The following CAGE1 variants were observed in gnomAD, a reference collection of about 807,000 sequenced individuals.
CAGE1 encodes cancer antigen 1.
CAGE1 carries 66 observed loss-of-function variants against 94.9 expected under a neutral mutation model. That is an observed-to-expected ratio of 0.70 (90% CI 0.57 to 0.85). The LOEUF is 0.85. Ranked by LOEUF, CAGE1 falls within the 40% of genes least tolerant of loss-of-function variation. The probability of loss-of-function intolerance (pLI) is 0.00; values close to 1 mark genes in which losing one functional copy is unlikely to be tolerated. For missense variants in CAGE1, 865 were observed against 950.4 expected (o/e 0.91, Z 1.18); for synonymous variants, 319 against 321.0 (o/e 0.99, Z 0.07).
At chr6:7,384,294 G>A (rs564725999) in intron 3 of CAGE1, among the ~76,000 whole-genome samples, 77 of 152,110 alleles carry the variant, frequency 5.1e-4, no homozygotes, top group Non-Finnish European at 9.4e-4. Context: ...AGCCAGGATG[G>A]TCTCGATCTC....
At chr6:7,380,368 G>A (rs1760889286) in intron 3 of CAGE1, among the ~76,000 whole-genome samples, 1 of 152,138 alleles carries the variant, frequency 6.6e-6, no homozygotes, top group African/African-American at 2.4e-5. Flanking sequence ...TGGACGCAGT[G>A]GTTTACGCCT....
chr6:7,330,541 G>C (rs960727247), intron 12 of CAGE1, among the ~76,000 whole-genome samples: 3 of 152,140 alleles, frequency 2.0e-5, no homozygotes, highest in Non-Finnish European at 4.4e-5. Context: ...AAACATCTGA[G>C]GCTATTCAGA....
At chr6:7,382,592 T>TG (rs745342800) in intron 3 of CAGE1, among the ~76,000 whole-genome samples, 11 of 149,986 alleles carry the variant, frequency 7.3e-5, no homozygotes, top group Non-Finnish European at 1.3e-4. Flanking sequence ...TGAGCTACCG[T>TG]GCCCAGCCCT....
intron 12 of CAGE1, among the ~76,000 whole-genome samples, chr6:7,330,373 T>C (rs184719222): frequency 1.3e-5 from 2 of 152,156 alleles, no homozygotes; most frequent in African/African-American, 4.8e-5. Context: ...GGTAGCAGAG[T>C]GAGACTTCAT....
intron 9 of CAGE1, among the ~76,000 whole-genome samples, chr6:7,363,113 A>G (rs994105938): frequency 8.5e-5 from 13 of 152,156 alleles, no homozygotes; most frequent in African/African-American, 3.1e-4. Flanking sequence ...TACTAAAAAT[A>G]CAAAAAATTA....
chr6:7,339,159 A>G lies in CAGE1; in HGVS notation c.2370-5069T>C. The G allele has an allele frequency of 1.3e-6, 2 of 1,519,812 alleles. No individual in the cohort carries two copies. The highest frequency in any genetic ancestry group is 1.8e-6 in the Non-Finnish European group (2 of 1,095,530). The allele number at this position is 1,519,812 out of a possible 1,614,324, so 94.1% of individuals were successfully genotyped here. Reference sequence around the variant, plus strand: ...CTGTCCTCAGAGTTTCCCAGACACCACGACCTCACAGCCTTTGGCCCCAGT... The same window carrying G: ...CTGTCCTCAGAGTTTCCCAGACACCGCGACCTCACAGCCTTTGGCCCCAGT... On this transcript the variant is annotated intron_variant, in intron 11 of 13. Transcript: ENST00000502583. The surrounding 1 kb of genome is among the most constrained non-coding windows in gnomAD (Gnocchi z 4.7).
chr6:7,360,402 C>T (rs535458990), intron 9 of CAGE1, among the ~76,000 whole-genome samples: 8 of 152,226 alleles, frequency 5.3e-5, no homozygotes, highest in African/African-American at 1.7e-4. Flanking sequence ...CTATCTAGGT[C>T]GTAATTCAAG....
intron 11 of CAGE1, among the ~76,000 whole-genome samples, chr6:7,352,330 C>G (rs1759812868): frequency 7.5e-6 from 1 of 132,512 alleles, no homozygotes; most frequent in African/African-American, 2.8e-5. Context: ...AAAAAAAAAC[C>G]TAACCAAAGA....
chr6:7,370,291 A>AATTTATTT (rs911033653), intron 5 of CAGE1, among the ~76,000 whole-genome samples: 2 of 152,162 alleles, frequency 1.3e-5, no homozygotes, highest in African/African-American at 4.8e-5. Context: ...CATAAATAAC[A>AATTTATTT]ATTTATTTAT....
At chr6:7,361,289 G>A (rs1488014919) in intron 9 of CAGE1, among the ~76,000 whole-genome samples, 3 of 152,194 alleles carry the variant, frequency 2.0e-5, no homozygotes, top group African/African-American at 4.8e-5. Flanking sequence ...ATTGTTGAGA[G>A]TCTAACACCA....
Position 7,373,510 on chromosome 6 carries a change from G to A in CAGE1, c.1309C>T (p.Gln437Ter), listed in dbSNP as rs1371100685. 2.3e-5 allele frequency: 37 copies of A among 1,613,496 alleles called. No homozygotes were observed. The East Asian group carries it at 7.1e-4, about 31-fold the overall frequency. The change falls in exon 5 of 14, where the codon CAG (glutamine) becomes TAG (stop). Residue 437 changes from glutamine to a stop codon, truncating the protein, a stop_gained. Transcript: ENST00000502583. LOFTEE classifies it high-confidence loss of function. ...AAGGTTTTGTCCATCTCTAAATACT[G>A]ACTTACAGATTTATTTTTTTGTTGC... The part of the protein sequence containing the change: ...EMQQKNKSVS[Q>*]YLEMDKTLSK...
chr6:7,358,051 T>G (rs1414318179), intron 9 of CAGE1, among the ~76,000 whole-genome samples: 2 of 121,486 alleles, frequency 1.6e-5, no homozygotes, highest in Non-Finnish European at 3.4e-5. Context: ...TATATATATA[T>G]ATATATATAT....
chr6:7,365,969 G>C (rs1760318294), intron 7 of CAGE1, 85 bp from the exon 8 acceptor site: 3 of 818,716 alleles, frequency 3.7e-6, no homozygotes, highest in Admixed American at 3.0e-5. Context: ...AACCGGGCCG[G>C]GCGTAGTGGC....
intron 11 of CAGE1, chr6:7,341,375 C>A: frequency 1.3e-6 from 1 of 790,794 alleles, no homozygotes. Flanking sequence ...GCAGACTTTT[C>A]ATGCTTAGGA....
chr6:7,332,718 A>G (rs568435678), intron 12 of CAGE1, among the ~76,000 whole-genome samples: 30 of 152,290 alleles, frequency 2.0e-4, no homozygotes, highest in African/African-American at 7.0e-4. Context: ...AACTCATGAC[A>G]CGACAGATTC....
intron 4 of CAGE1, among the ~76,000 whole-genome samples, chr6:7,374,944 G>C (rs1185921474): frequency 6.6e-6 from 1 of 152,116 alleles, no homozygotes; most frequent in Non-Finnish European, 1.5e-5. Flanking sequence ...TGAGGCAGCA[G>C]AATCACTTGA....
chr6:7,387,811 A>C (rs1223441521), intron 1 of CAGE1, among the ~76,000 whole-genome samples: 1 of 149,980 alleles, frequency 6.7e-6, no homozygotes, highest in Non-Finnish European at 1.5e-5. Context: ...CGAGGTCAGG[A>C]GATCGAGATC....
chr6:7,360,479 A>T (rs1760129520), intron 9 of CAGE1, among the ~76,000 whole-genome samples: 1 of 152,230 alleles, frequency 6.6e-6, no homozygotes, highest in East Asian at 1.9e-4. Flanking sequence ...ACACTCTGAT[A>T]GTGTCAACTT....
intron 13 of CAGE1, among the ~76,000 whole-genome samples, chr6:7,327,613 T>C (rs9505168): frequency 0.55 from 83,914 of 152,046 alleles, 23,410 homozygotes; most frequent in East Asian, 0.75. Context: ...CCAAAAGTGA[T>C]TTAGCAGCAT....
Sources: allele counts gnomAD v4.1 joint callset (sites outside exome capture counted in the v4.1 genomes callset), GRCh38; gene constraint gnomAD v4.1.1; non-coding constraint Gnocchi (gnomAD v3.1); transcripts MANE v1.5; gene names NCBI Gene and HGNC (gene_info 2026-07-23, HGNC 2026-07-21).